Variants in PCDH15 observed in about 807,000 individuals in gnomAD.
PCDH15 encodes the protein protocadherin related 15.
PCDH15 carries 129 observed loss-of-function variants against 178.5 expected under a neutral mutation model. The ratio of observed to expected loss-of-function variants is 0.72; its 90% confidence interval spans 0.63 to 0.84. PCDH15 has a LOEUF of 0.84. PCDH15 is among the 40% of genes least tolerant of loss of function. The pLI is 0.00. For synonymous variants in PCDH15, 800 were observed against 732.0 expected (o/e 1.09, Z -1.50); for missense variants, 2,230 against 2,099.9 (o/e 1.06, Z -1.21).
intron 2 of PCDH15, among the ~76,000 whole-genome samples, chr10:55,615,887 C>A (rs1169275350): frequency 6.6e-6 from 1 of 152,008 alleles, no homozygotes; most frequent in African/African-American, 2.4e-5. Context: ...CAGAGCAAGA[C>A]CCTGTCACAT....
chr10:54,433,066 C>T (rs1957138749), intron 3 of PCDH15, among the ~76,000 whole-genome samples: 1 of 151,906 alleles, frequency 6.6e-6, no homozygotes, highest in East Asian at 1.9e-4. Context: ...AAAACAGGCA[C>T]TAATGAATGC....
At chr10:55,507,617 C>A (rs1589092441) in intron 2 of PCDH15, among the ~76,000 whole-genome samples, 1 of 151,250 alleles carries the variant, frequency 6.6e-6, no homozygotes. Context: ...AGTGCAATGG[C>A]GTGATCTCCC....
At chr10:55,521,723 A>G (rs947683819) in intron 2 of PCDH15, among the ~76,000 whole-genome samples, 2 of 151,936 alleles carry the variant, frequency 1.3e-5, no homozygotes, top group African/African-American at 4.8e-5. Flanking sequence ...ATGCTCCTCA[A>G]TCTACAATGG....
chr10:54,715,656 G>A (rs1036073003), intron 1 of PCDH15, among the ~76,000 whole-genome samples: 8 of 151,986 alleles, frequency 5.3e-5, no homozygotes, highest in Non-Finnish European at 1.2e-4. Context: ...CCTGGGATAG[G>A]AGCTTCAGTT....
intron 32 of PCDH15, chr10:53,823,581 A>G (rs2076463384): frequency 1.5e-6 from 1 of 660,320 alleles, no homozygotes; most frequent in African/African-American, 1.8e-5. Context: ...GTAAATGAAA[A>G]AAAAAGTACT....
In PCDH15 at chr10:55,537,383, CTTTA is replaced by C. The variant is rs200869310; in HGVS notation, c.-156+90238_-156+90241del. Among the ~76,000 whole-genome samples the C allele has an allele frequency of 6.7e-3, 1,014 of 151,574 alleles. 7 individuals carry two copies. The highest frequency in any genetic ancestry group is 0.021 in the African/African-American group (889 of 41,388). ...ACCAATACTGAACACCTGCTATTTA[CTTTA>C]TTTATTTTATTTTATTTATGTATTT... On this transcript the variant is annotated intron_variant, in intron 2 of 5. Transcript: ENST00000613346.
chr10:55,045,129 ACT>A (rs898944972), intron 2 of PCDH15, among the ~76,000 whole-genome samples: 1 of 151,868 alleles, frequency 6.6e-6, no homozygotes, highest in African/African-American at 2.4e-5. Flanking sequence ...GTCTTACTAA[ACT>A]CTCTGATAAA....
At chr10:54,292,502 C>T (rs995340005) in intron 8 of PCDH15, among the ~76,000 whole-genome samples, 4 of 152,088 alleles carry the variant, frequency 2.6e-5, no homozygotes, top group African/African-American at 7.2e-5. Flanking sequence ...AAATAAAGGA[C>T]ATTCAATTAG....
At chr10:54,726,775 A>T (rs976295981) in intron 1 of PCDH15, among the ~76,000 whole-genome samples, 1 of 150,002 alleles carries the variant, frequency 6.7e-6, no homozygotes. Context: ...AGCACTACAC[A>T]GCAGAATAGG....
At chr10:54,161,928 C>A (rs1329394960) in intron 13 of PCDH15, among the ~76,000 whole-genome samples, 1 of 152,062 alleles carries the variant, frequency 6.6e-6, no homozygotes, top group East Asian at 1.9e-4. Context: ...TCTTCTCTGG[C>A]AATATTTGTT....
At chr10:55,326,106 T>A (rs1483149987) in intron 2 of PCDH15, among the ~76,000 whole-genome samples, 2 of 152,160 alleles carry the variant, frequency 1.3e-5, no homozygotes, top group African/African-American at 4.8e-5. Flanking sequence ...CTGGTGAGGT[T>A]GCAGAGAAAA....
At chr10:54,110,292 G>T in intron 15 of PCDH15, among the ~76,000 whole-genome samples, 1 of 138,422 alleles carries the variant, frequency 7.2e-6, no homozygotes. Flanking sequence ...TCCTATCAGA[G>T]AATAGAGACA....
At chr10:54,514,511 A>G (rs1194667016) in intron 3 of PCDH15, among the ~76,000 whole-genome samples, 1 of 152,106 alleles carries the variant, frequency 6.6e-6, no homozygotes, top group Admixed American at 6.6e-5. Context: ...CCTGAAAAAA[A>G]AAATGAAAGC....
At chr10:54,909,717 G>A (rs1302477756) in intron 2 of PCDH15, among the ~76,000 whole-genome samples, 1 of 152,076 alleles carries the variant, frequency 6.6e-6, no homozygotes, top group Non-Finnish European at 1.5e-5. Flanking sequence ...GGGGTGTCTG[G>A]GTCACAGCAG....
At chr10:55,444,284 T>A (rs1229635373) in intron 2 of PCDH15, among the ~76,000 whole-genome samples, 1 of 146,438 alleles carries the variant, frequency 6.8e-6, no homozygotes, top group Non-Finnish European at 1.5e-5. Context: ...AAAGTGTAAT[T>A]AAAAAAAAAA....
At chr10:54,708,373 A>G (rs1020304343) in intron 1 of PCDH15, among the ~76,000 whole-genome samples, 1 of 152,208 alleles carries the variant, frequency 6.6e-6, no homozygotes, top group African/African-American at 2.4e-5. Flanking sequence ...AGACTAACCC[A>G]AGTTGGACTG....
chr10:54,235,578 A>G lies in PCDH15; in HGVS notation c.985+1245T>C, dbSNP rs1279780159. On this transcript the variant is annotated intron_variant, in intron 9 of 37. Transcript: ENST00000644397. ...TGACACTTCCTAAGCAATTCTCATA[A>G]AATGCTTAATGCTCTCCTCTCATGA... Among the ~76,000 whole-genome samples, 5 of 152,136 alleles carry G rather than the reference A, an allele frequency of 3.3e-5. 1 individual carries two copies. The highest frequency in any genetic ancestry group is 7.4e-5 in the Non-Finnish European group (5 of 68,016).
intron 1 of PCDH15, among the ~76,000 whole-genome samples, chr10:54,712,861 A>G (rs1354978367): frequency 1.3e-5 from 2 of 152,078 alleles, no homozygotes; most frequent in African/African-American, 4.8e-5. Context: ...AATTTTAAAC[A>G]GATGGATAGT....
At position 53,831,525 on chromosome 10, in the gene PCDH15, T is replaced by A; in HGVS notation, c.3992A>T (p.Asp1331Val). 6.2e-7 allele frequency: 1 copy of A among 1,611,822 alleles called. No individual in the cohort carries two copies. The highest frequency in any genetic ancestry group is 1.1e-5 in the South Asian group (1 of 90,932). The change falls in exon 30 of 38, where the codon GAT becomes GTT. Residue 1331 changes from aspartate to valine, a missense_variant. Transcript: ENST00000644397. ...IDRNELFKFL[D>V]GKLLDINKDF... is the part of the protein sequence containing the mutation. Reference sequence around the variant, plus strand: ...TTTATTGATATCAAGTAGTTTGCCATCCAAAAATCTTTATTGTTAGATAAA... The same window carrying A: ...TTTATTGATATCAAGTAGTTTGCCAACCAAAAATCTTTATTGTTAGATAAA...
Sources: allele counts gnomAD v4.1 joint callset (sites outside exome capture counted in the v4.1 genomes callset), GRCh38; gene constraint gnomAD v4.1.1; transcripts MANE v1.5; gene names NCBI Gene and HGNC (gene_info 2026-07-23, HGNC 2026-07-21).